POFUT3: variants seen among roughly 807,000 people sequenced by gnomAD.
POFUT3 encodes protein O-fucosyltransferase 3.
the POFUT3 span, among the ~76,000 whole-genome samples, chr8:33,315,132 C>T: frequency 2.3e-3 from 355 of 152,304 alleles, 1 homozygote; most frequent in African/African-American, 7.7e-3. Flanking sequence ...CCAAGGGCAA[C>T]GTGATTCAGA....
chr8:33,389,020 A>G, the POFUT3 span: 361,830 of 1,613,698 alleles, frequency 0.22, 44,931 homozygotes, highest in South Asian at 0.45. Flanking sequence ...ACTCAAATGC[A>G]TCGATGTAAT....
At chr8:33,389,168 TA>T in the POFUT3 span, 2 of 1,614,132 alleles carry the variant, frequency 1.2e-6, no homozygotes, top group East Asian at 4.5e-5. Context: ...TCGTCTGATG[TA>T]ACTTGCCAGT....
the POFUT3 span, among the ~76,000 whole-genome samples, chr8:33,309,377 T>TGTG: frequency 0.012 from 1,762 of 146,234 alleles, 12 homozygotes; most frequent in South Asian, 0.049. Context: ...GTGTGTGTGT[T>TGTG]TTTCTCCCCT....
the POFUT3 span, among the ~76,000 whole-genome samples, chr8:33,459,641 C>CA: frequency 8.0e-3 from 861 of 108,184 alleles, 6 homozygotes; most frequent in African/African-American, 0.022. Flanking sequence ...GAAACTGTCT[C>CA]AAAAAAAAAA....
the POFUT3 span, among the ~76,000 whole-genome samples, chr8:33,340,283 G>T: frequency 0.23 from 34,163 of 151,686 alleles, 4,199 homozygotes; most frequent in South Asian, 0.5. Flanking sequence ...GAAAATCTTT[G>T]GTGATAATAA....
the POFUT3 span, among the ~76,000 whole-genome samples, chr8:33,335,299 T>A: frequency 1.6e-3 from 242 of 152,292 alleles, 2 homozygotes; most frequent in African/African-American, 5.3e-3. Flanking sequence ...TGCTTATTTT[T>A]ACCAAACTTT....
chr8:33,335,235 G>A, the POFUT3 span, among the ~76,000 whole-genome samples: 1 of 151,210 alleles, frequency 6.6e-6, no homozygotes, highest in African/African-American at 2.4e-5. Context: ...GTAATGAAAT[G>A]TACAACATAT....
the POFUT3 span, among the ~76,000 whole-genome samples, chr8:33,449,582 G>A: frequency 4.6e-5 from 7 of 152,174 alleles, no homozygotes; most frequent in South Asian, 4.1e-4. Context: ...GAGCCGCCGC[G>A]TCTGGCCTGA....
At chr8:33,404,207 G>A in the POFUT3 span, among the ~76,000 whole-genome samples, 1 of 152,024 alleles carries the variant, frequency 6.6e-6, no homozygotes, top group African/African-American at 2.4e-5. Context: ...GTGTGGTGGT[G>A]CATGCCTGTA....
the POFUT3 span, among the ~76,000 whole-genome samples, chr8:33,327,973 A>G: frequency 1.3e-5 from 2 of 152,280 alleles, no homozygotes; most frequent in African/African-American, 2.4e-5. Flanking sequence ...CACTCCTTCT[A>G]TTATAAGCAG....
chr8:33,309,564 A>T, the POFUT3 span, among the ~76,000 whole-genome samples: 4 of 152,078 alleles, frequency 2.6e-5, no homozygotes, highest in African/African-American at 9.7e-5. Context: ...CAGTGACAGC[A>T]GGCATTTAGA....
At chr8:33,326,220 A>G in the POFUT3 span, among the ~76,000 whole-genome samples, 1 of 152,114 alleles carries the variant, frequency 6.6e-6, no homozygotes, top group Non-Finnish European at 1.5e-5. Context: ...CTCTTTGTTC[A>G]AGCATGGCCC....
At chr8:33,384,360 A>G in the POFUT3 span, among the ~76,000 whole-genome samples, 3 of 152,222 alleles carry the variant, frequency 2.0e-5, no homozygotes, top group African/African-American at 7.2e-5. Flanking sequence ...CAATTCCTTG[A>G]GGAGAATATC....
chr8:33,463,081 C>CA, the POFUT3 span, among the ~76,000 whole-genome samples: 1 of 152,132 alleles, frequency 6.6e-6, no homozygotes, highest in Non-Finnish European at 1.5e-5. Flanking sequence ...TGCTGCTGCA[C>CA]AGTACTTCAC....
chr8:33,323,290 G>A, the POFUT3 span, among the ~76,000 whole-genome samples: 1 of 152,138 alleles, frequency 6.6e-6, no homozygotes, highest in South Asian at 2.1e-4. Flanking sequence ...TGGGCAAAAT[G>A]CTGTTGGAAA....
the POFUT3 span, chr8:33,372,811 GAA>G: frequency 6.2e-7 from 1 of 1,610,632 alleles, no homozygotes; most frequent in Non-Finnish European, 8.5e-7. Flanking sequence ...AGCCCTGCAG[GAA>G]GAGAAAAGAG....
At chr8:33,327,094 TC>T in the POFUT3 span, among the ~76,000 whole-genome samples, 4 of 152,274 alleles carry the variant, frequency 2.6e-5, no homozygotes, top group South Asian at 8.3e-4. Flanking sequence ...TACCTTTTGG[TC>T]CCCTTCTCCT....
the POFUT3 span, among the ~76,000 whole-genome samples, chr8:33,407,981 C>T: frequency 1.5e-5 from 2 of 129,948 alleles, no homozygotes; most frequent in East Asian, 4.2e-4. Flanking sequence ...GAGCGAGACT[C>T]CATCTCAAAA....
the POFUT3 span, among the ~76,000 whole-genome samples, chr8:33,433,484 C>T: frequency 3.5e-4 from 53 of 151,612 alleles, no homozygotes; most frequent in African/African-American, 1.1e-3. Flanking sequence ...CGGTGGCAGG[C>T]GCCTGTAGTC....
Sources: allele counts gnomAD v4.1 joint callset (sites outside exome capture counted in the v4.1 genomes callset), GRCh38; gene constraint gnomAD v4.1.1; transcripts MANE v1.5; gene names NCBI Gene and HGNC (gene_info 2026-07-23, HGNC 2026-07-21).